ZNF562: variants seen among roughly 807,000 people sequenced by gnomAD.
ZNF562 encodes the protein zinc finger protein 562.
Under a neutral mutation model 17.5 loss-of-function variants are expected in ZNF562, and 13 were observed. The ratio of observed to expected loss-of-function variants is 0.74; its 90% CI spans 0.48 to 1.18. ZNF562 has a LOEUF of 1.18. Among genes scored for constraint, ZNF562 ranks in the 50% most tolerant of loss-of-function variants. The pLI is 0.00. For missense variants in ZNF562, 481 were observed against 498.5 expected (o/e 0.96, Z 0.33); for synonymous variants, 163 against 165.4 (o/e 0.99, Z 0.11).
At chr19:9,666,692 GAAAAC>G (rs1476743341) in intron 1 of ZNF562, among the ~76,000 whole-genome samples, 1 of 151,876 alleles carries the variant, frequency 6.6e-6, no homozygotes, top group Non-Finnish European at 1.5e-5. Context: ...AAATGAAAAA[GAAAAC>G]AGAACAGAAA....
rs2043359958 is a variant in ZNF562 at position 9,653,834 on chromosome 19, C to T, written c.396G>A (p.Glu132=). 8 of 1,606,558 alleles carry T rather than the reference C, an allele frequency of 5.0e-6. No individual in the cohort carries two copies. The highest frequency in any genetic ancestry group is 6.8e-6 in the Non-Finnish European group (8 of 1,176,444). Residue 132 remains glutamate (E), a synonymous_variant, in exon 6 of 6, where the codon GAG becomes GAA. Coordinates refer to ENST00000453372, the MANE Select transcript of ZNF562 (RefSeq NM_001130031.2). ...TAAGGCAAAACTGTTCACTGAAGAC[C>T]TCTCCACAATTCTCACAGAGTTTCC... ...SGWKLCENCG[E]VFSEQFCLKT...
chr19:9,654,664 T>C (rs2043391695), intron 5 of ZNF562, among the ~76,000 whole-genome samples: 1 of 151,954 alleles, frequency 6.6e-6, no homozygotes, highest in Admixed American at 6.6e-5. Flanking sequence ...AGCCAGGGTG[T>C]TCTCAAACTC....
In ZNF562 at chr19:9,650,060, A is replaced by G. The variant is rs1277639207; in HGVS notation, c.*2889T>C. ...ATCGGGGCTGGTTCCCTGACAGGAC[A>G]TAACCTCTTCAAAAAATAAAAAAGA... On this transcript the variant is annotated 3_prime_UTR_variant, in exon 6 of 6. Coordinates refer to ENST00000453372, the MANE Select transcript of ZNF562 (RefSeq NM_001130031.2). 3 of 152,178 alleles carry G rather than the reference A, an allele frequency of 2.0e-5. No individual in the cohort carries two copies. Among genetic ancestry groups the G allele is most frequent in the Admixed American group, 6.6e-5 (1 of 15,264 alleles). The allele number at this position is 152,178 out of a possible 1,614,324, so 9.4% of individuals were successfully genotyped here.
At position 9,652,976 on chromosome 19, in the gene ZNF562, A is replaced by G; in HGVS notation, c.1254T>C (p.His418=). Residue 418 remains histidine (H), a synonymous_variant, in exon 6 of 6, where the codon CAT becomes CAC. Transcript: ENST00000453372. ...ACCTTTCTCCACTGTGAGTTTTCAA[A>G]TGTTTACTACGATGGGAAGAAGTAA... ...TFITSSHRSK[H]LKTHSGER is the part of the protein sequence containing the mutation. 2 of 1,503,570 alleles carry G rather than the reference A, an allele frequency of 1.3e-6. No homozygotes were observed. Among genetic ancestry groups the G allele is most frequent in the Non-Finnish European group, 1.8e-6 (2 of 1,126,778 alleles). The allele number at this position is 1,503,570 out of a possible 1,614,324, so 93.1% of individuals were successfully genotyped here. A position where few individuals can be genotyped will look rare whatever the true frequency, so the allele number is the denominator to read the frequency against.
At chr19:9,671,254 GA>G (rs2044188082) in intron 1 of ZNF562, among the ~76,000 whole-genome samples, 2 of 152,146 alleles carry the variant, frequency 1.3e-5, no homozygotes, top group African/African-American at 4.8e-5. Context: ...CATCTATTAT[GA>G]ATCAAAAAAA....
chr19:9,658,426 T>A, intron 3 of ZNF562: 1 of 777,812 alleles, frequency 1.3e-6, no homozygotes, highest in African/African-American at 1.9e-5. Flanking sequence ...CTCGGCTCAC[T>A]GCAACCTCCA....
rs1183025336 is a variant in ZNF562 at position 9,652,126 on chromosome 19, G to A, written c.*823C>T. 2 of 152,202 alleles carry A rather than the reference G, an allele frequency of 1.3e-5. No homozygotes were observed. Among genetic ancestry groups the A allele is most frequent in the Non-Finnish European group, 2.9e-5 (2 of 68,046 alleles). The allele number at this position is 152,202 out of a possible 1,614,324, so 9.4% of individuals were successfully genotyped here. On this transcript the variant is annotated 3_prime_UTR_variant, in exon 6 of 6. Transcript: ENST00000453372. ...TGAGTGGGATTCATGGACTATATCA[G>A]CCATCTTAACAGAAGTGAGAAGAGA...
Position 9,659,464 on chromosome 19 carries a change from A to T in ZNF562, c.29T>A (p.Phe10Tyr), listed in dbSNP as rs1302456226. The change falls in exon 3 of 6, where the codon TTT becomes TAT. Residue 10 changes from phenylalanine to tyrosine, a missense_variant. Coordinates refer to ENST00000453372, the MANE Select transcript of ZNF562 (RefSeq NM_001130031.2). The part of the protein sequence containing the change: MSAFDMSHG[F>Y]FPREPICPFE... ...AGGACAGATTGGTTCCCTGGGAAAA[A>T]ACCCTAGTGGAAAAGTAAGAAGGCA... The T allele has an allele frequency of 2.6e-6, 4 of 1,550,968 alleles. No homozygotes were observed. The highest frequency in any genetic ancestry group is 3.5e-6 in the Non-Finnish European group (4 of 1,146,766).
intron 3 of ZNF562, among the ~76,000 whole-genome samples, chr19:9,658,744 A>T (rs1184152965): frequency 6.6e-6 from 1 of 152,080 alleles, no homozygotes; most frequent in East Asian, 1.9e-4. Context: ...TTTGATTAGA[A>T]CAGTACTTCC....
At chr19:9,663,086 C>T (rs1250021709) in intron 1 of ZNF562, among the ~76,000 whole-genome samples, 1 of 151,374 alleles carries the variant, frequency 6.6e-6, no homozygotes, top group Non-Finnish European at 1.5e-5. Flanking sequence ...TAGATAATGG[C>T]CTTATCTCTA....
At chr19:9,669,455 A>T (rs994723496) in intron 1 of ZNF562, among the ~76,000 whole-genome samples, 1 of 152,146 alleles carries the variant, frequency 6.6e-6, no homozygotes, top group Non-Finnish European at 1.5e-5. Context: ...ACAGGGAATA[A>T]CAAATGCTGA....
Position 9,649,026 on chromosome 19 carries a change from G to T in ZNF562, c.*3923C>A. ...GCAGGAAGTCAGGGACCCCAAACGG[G>T]GGGACTGGCTGAAGCCATGGCAGAA... On this transcript the variant is annotated 3_prime_UTR_variant, in exon 6 of 6. Transcript: ENST00000453372. The T allele has an allele frequency of 6.6e-6, 1 of 152,360 alleles. No homozygotes were observed. The highest frequency in any genetic ancestry group is 2.0e-4 in the South Asian group (1 of 4,904). 9.4% of individuals were successfully genotyped at this position (152,360 alleles called of 1,614,324 possible).
intron 1 of ZNF562, among the ~76,000 whole-genome samples, chr19:9,668,125 C>G (rs909832791): frequency 6.6e-6 from 1 of 152,090 alleles, no homozygotes; most frequent in Non-Finnish European, 1.5e-5. Flanking sequence ...ATTGTAATCC[C>G]AGAATTTTGG....
chr19:9,665,702 G>T (rs1451124147), intron 1 of ZNF562, among the ~76,000 whole-genome samples: 1 of 152,146 alleles, frequency 6.6e-6, no homozygotes, highest in Non-Finnish European at 1.5e-5. Context: ...GCAAACATGG[G>T]TTTAAGATTC....
chr19:9,652,775 C>T lies in ZNF562; in HGVS notation c.*174G>A. On this transcript the variant is annotated 3_prime_UTR_variant, in exon 6 of 6. Transcript: ENST00000453372. ...ACCAATGGGCTAAATGGTAACAACA[C>T]TCATATCCTTACATTCATAGTATTT... 1 of 565,342 alleles carries T rather than the reference C, an allele frequency of 1.8e-6. No homozygotes were observed. The highest frequency in any genetic ancestry group is 2.9e-6 in the Non-Finnish European group (1 of 343,652). The allele number at this position is 565,342 out of a possible 1,614,324, so 35.0% of individuals were successfully genotyped here.
intron 1 of ZNF562, among the ~76,000 whole-genome samples, chr19:9,661,443 C>G (rs911187463): frequency 2.6e-5 from 4 of 152,104 alleles, no homozygotes; most frequent in African/African-American, 9.7e-5. Context: ...CTCAGCCTCC[C>G]GAGTAGCTGG....
chr19:9,657,189 A>G (rs1383844566), intron 4 of ZNF562, among the ~76,000 whole-genome samples: 1 of 151,912 alleles, frequency 6.6e-6, no homozygotes, highest in Non-Finnish European at 1.5e-5. Context: ...ACTGATGGGG[A>G]ACAGGAAGAG....
At position 9,651,861 on chromosome 19, in the gene ZNF562, A is replaced by G. The variant is rs373893852; in HGVS notation, c.*1088T>C. Reference sequence around the variant, plus strand: ...TGAGCCCCGATTCCCACTCTGCACTATATTTCTGTGTCTTTGTCTTAATTC... The same window carrying G: ...TGAGCCCCGATTCCCACTCTGCACTGTATTTCTGTGTCTTTGTCTTAATTC... On this transcript the variant is annotated 3_prime_UTR_variant, in exon 6 of 6. Coordinates refer to ENST00000453372, the MANE Select transcript of ZNF562 (RefSeq NM_001130031.2). The G allele has an allele frequency of 6.6e-6, 1 of 152,224 alleles. No homozygotes were observed. The highest frequency in any genetic ancestry group is 6.5e-5 in the Admixed American group (1 of 15,278). The allele number at this position is 152,224 out of a possible 1,614,324, so 9.4% of individuals were successfully genotyped here. A position where few individuals can be genotyped will look rare whatever the true frequency, so the allele number is the denominator to read the frequency against.
intron 5 of ZNF562, among the ~76,000 whole-genome samples, chr19:9,656,324 A>G (rs935805425): frequency 5.9e-5 from 9 of 152,148 alleles, no homozygotes; most frequent in Admixed American, 3.3e-4. Context: ...CCTGGCTAAC[A>G]TAGTGAAACC....
Sources: allele counts gnomAD v4.1 joint callset (sites outside exome capture counted in the v4.1 genomes callset), GRCh38; gene constraint gnomAD v4.1.1; transcripts MANE v1.5; gene names NCBI Gene and HGNC (gene_info 2026-07-23, HGNC 2026-07-21).